The following PCBP3 variants were observed in gnomAD, a reference collection of about 807,000 sequenced individuals.
PCBP3 encodes the protein poly(rC) binding protein 3, also known as poly(rC)-binding protein 3.
A neutral mutation model predicts 52.7 loss-of-function variants in PCBP3; 25 were observed. The ratio of observed to expected loss-of-function variants is 0.47; its 90% CI spans 0.35 to 0.66. The LOEUF (loss-of-function observed/expected upper bound fraction) is 0.66, where lower values mean the gene tolerates loss of function less well. Ranked by LOEUF, PCBP3 falls within the 30% of genes least tolerant of loss-of-function variation. The pLI is 0.01. For synonymous variants in PCBP3, 162 were observed against 183.0 expected, an observed-to-expected ratio of 0.89 and a Z score of 0.93; for missense variants, 391 against 490.3, an observed-to-expected ratio of 0.80 and a Z score of 1.91.
At chr21:45,913,689 G>A (rs977232631) in intron 11 of PCBP3, among the ~76,000 whole-genome samples, 2 of 152,224 alleles carry the variant, frequency 1.3e-5, no homozygotes, top group Non-Finnish European at 2.9e-5. Context: ...ACTCTCAGGA[G>A]GCCGGTGTGT....
At chr21:45,826,023 G>T (rs1344222642) in intron 4 of PCBP3, among the ~76,000 whole-genome samples, 1 of 152,236 alleles carries the variant, frequency 6.6e-6, no homozygotes, top group South Asian at 2.1e-4. Flanking sequence ...TGTAATCCCA[G>T]CATTTTGGGA....
chr21:45,672,243 C>T (rs377473299), intron 2 of PCBP3, among the ~76,000 whole-genome samples: 1 of 152,158 alleles, frequency 6.6e-6, no homozygotes, highest in Admixed American at 6.5e-5. Context: ...CAAGAAGATC[C>T]TCACTAGATT....
chr21:45,848,233 A>G (rs1332108664), intron 4 of PCBP3: 3 of 152,192 alleles, frequency 2.0e-5, no homozygotes, highest in Non-Finnish European at 4.4e-5. Context: ...TGGGGTTTCG[A>G]TACTCTAGAG....
chr21:45,784,922 A>G (rs1479455740), intron 4 of PCBP3, among the ~76,000 whole-genome samples: 1 of 147,898 alleles, frequency 6.8e-6, no homozygotes, highest in Non-Finnish European at 1.5e-5. Context: ...CTGGCCGCCC[A>G]TCGTCTGGGA....
At position 45,655,886 on chromosome 21, in the gene PCBP3, G is replaced by GA. The variant is rs200921380; in HGVS notation, c.-279+12024dup. On this transcript the variant is annotated intron_variant, in intron 1 of 17. Coordinates refer to ENST00000681687, the MANE Select transcript of PCBP3 (RefSeq NM_001384156.1). Reference sequence around the variant, plus strand: ...ACATTTATGCAGCCAACAGACACATGAAAAAATGCTCATCATAACTGGTCA... The same window carrying GA: ...ACATTTATGCAGCCAACAGACACATGAAAAAAATGCTCATCATAACTGGTCA... Among the ~76,000 whole-genome samples, 881 of 152,186 alleles carry GA rather than the reference G, an allele frequency of 5.8e-3. 9 individuals are homozygous for GA. Among genetic ancestry groups the GA allele is most frequent in the African/African-American group, 0.02 (850 of 41,546 alleles).
At chr21:45,896,432 G>A (rs546677395) in intron 6 of PCBP3, 70 bp downstream of exon 6, 7 of 1,410,732 alleles carry the variant, frequency 5.0e-6, no homozygotes, top group African/African-American at 4.3e-5. Context: ...TGCACTGCCC[G>A]GGCCATTGGC....
chr21:45,693,193 A>G (rs916156006), intron 2 of PCBP3, among the ~76,000 whole-genome samples: 9 of 152,180 alleles, frequency 5.9e-5, no homozygotes, highest in African/African-American at 2.2e-4. Flanking sequence ...CAAAGGTGAA[A>G]TAGTGAACAC....
At chr21:45,878,129 C>A (rs2095311718) in intron 5 of PCBP3, among the ~76,000 whole-genome samples, 1 of 152,248 alleles carries the variant, frequency 6.6e-6, no homozygotes, top group Non-Finnish European at 1.5e-5. Flanking sequence ...CCCATCCTCA[C>A]CCCCAGGCGA....
At chr21:45,909,853 G>GC (rs1444099162) in intron 10 of PCBP3, among the ~76,000 whole-genome samples, 72 of 3,736 alleles carry the variant, frequency 0.019, 1 homozygote, top group East Asian at 0.077. Context: ...TACGGACCTG[G>GC]CCACCCACTG....
In PCBP3 at chr21:45,746,946, G is replaced by C. The variant is rs867988706; in HGVS notation, c.-161-8471G>C. ...CGCCGTGTCAGTCCATTGACGTAGC[G>C]CACACGGTGTTGTCAGCATCGCTGT... On this transcript the variant is annotated intron_variant, in intron 3 of 17. Coordinates refer to ENST00000681687, the MANE Select transcript of PCBP3 (RefSeq NM_001384156.1). Among the ~76,000 whole-genome samples the C allele has an allele frequency of 1.6e-4, 9 of 56,180 alleles. 2 individuals are homozygous for C. Among genetic ancestry groups the C allele is most frequent in the African/African-American group, 7.2e-4 (9 of 12,552 alleles). The allele number at this position is 56,180 out of a possible 152,430, so 36.9% of individuals were successfully genotyped here. A position where few individuals can be genotyped will look rare whatever the true frequency, so the allele number is the denominator to read the frequency against.
rs146929428 is a variant in PCBP3 at position 45,808,621 on chromosome 21, G to A, written c.-125-41340G>A. Among the ~76,000 whole-genome samples, 1,469 of 152,288 alleles carry A rather than the reference G, an allele frequency of 9.6e-3. 8 individuals are homozygous for A. Among genetic ancestry groups the A allele is most frequent in the Middle Eastern group, 0.02 (6 of 294 alleles). On this transcript the variant is annotated intron_variant, in intron 4 of 17. Transcript: ENST00000681687. ...GTAAATTAGTTCAACCATTGTGGAA[G>A]ACAGTATGGCGATTCCTCAAGGATC...
intron 4 of PCBP3, among the ~76,000 whole-genome samples, chr21:45,845,513 T>C (rs748088112): frequency 1.3e-5 from 2 of 151,228 alleles, no homozygotes; most frequent in Non-Finnish European, 2.9e-5. Flanking sequence ...CGTGTACACG[T>C]TTGTGAGTGT....
At chr21:45,647,062 T>TA (rs60171120) in intron 1 of PCBP3, among the ~76,000 whole-genome samples, 28 of 150,622 alleles carry the variant, frequency 1.9e-4, no homozygotes, top group Middle Eastern at 3.4e-3. Context: ...AGGTTAGCAG[T>TA]AAAAAAAAAA....
chr21:45,862,519 C>T (rs887004650), intron 5 of PCBP3, among the ~76,000 whole-genome samples: 2 of 152,152 alleles, frequency 1.3e-5, no homozygotes, highest in Admixed American at 1.3e-4. Context: ...CGTGGTCCTT[C>T]TGGGTAATGA....
chr21:45,793,207 G>C (rs1009780268), intron 4 of PCBP3, among the ~76,000 whole-genome samples: 7 of 152,208 alleles, frequency 4.6e-5, no homozygotes, highest in African/African-American at 1.7e-4. Flanking sequence ...CAAAGGCCTT[G>C]AAGAGTAGAC....
Position 45,934,239 on chromosome 21 carries a change from C to T in PCBP3, c.857-1014C>T, listed in dbSNP as rs190605356. Among the ~76,000 whole-genome samples the T allele has an allele frequency of 1.4e-4, 22 of 152,216 alleles. No individual in the cohort carries two copies. The East Asian group carries it at 3.9e-3, about 27-fold the overall frequency. On this transcript the variant is annotated intron_variant, in intron 15 of 17. Transcript: ENST00000681687. ...TGCAGAATCCGAGTTACAAGAACCA[C>T]GTGGGGCCTGCAAGGGGAAGAGCAG...
At chr21:45,693,150 C>T (rs1276120222) in intron 2 of PCBP3, among the ~76,000 whole-genome samples, 1 of 151,996 alleles carries the variant, frequency 6.6e-6, no homozygotes, top group African/African-American at 2.4e-5. Flanking sequence ...TGATAAAGGG[C>T]ATCTATAAAA....
In PCBP3 at chr21:45,909,495, A is replaced by G; in HGVS notation, c.471+9A>G. On this transcript the variant is annotated intron_variant, in intron 10 of 17. Coordinates refer to ENST00000681687, the MANE Select transcript of PCBP3 (RefSeq NM_001384156.1). ...TCAAGGAGATCAGGGAGGTAACAGG[A>G]CCTTCCCAGCCTGGGCCGCTGCGGA... 6.2e-7 allele frequency: 1 copy of G among 1,611,528 alleles called. No homozygotes were observed. Among genetic ancestry groups the G allele is most frequent in the Non-Finnish European group, 8.5e-7 (1 of 1,179,172 alleles).
chr21:45,925,206 T>C lies in PCBP3; in HGVS notation c.718-4711T>C, dbSNP rs145539340. Among the ~76,000 whole-genome samples, 563 of 150,038 alleles carry C rather than the reference T, an allele frequency of 3.8e-3. 8 individuals are homozygous for C. The highest frequency in any genetic ancestry group is 0.013 in the African/African-American group (538 of 40,314). On this transcript the variant is annotated intron_variant, in intron 13 of 17. Coordinates refer to ENST00000681687, the MANE Select transcript of PCBP3 (RefSeq NM_001384156.1). ...CAGCACACGTAAGGTCGGGTGTGCGTGAGGAGATGCGAACACCCGCAGGTC... is the reference window on the plus strand; with the variant it reads ...CAGCACACGTAAGGTCGGGTGTGCGCGAGGAGATGCGAACACCCGCAGGTC...
Sources: gnomAD v4.1 joint callset for allele counts (sites outside exome capture counted in the v4.1 genomes callset) on GRCh38, gnomAD v4.1.1 for gene constraint, MANE v1.5 for transcripts, NCBI Gene and HGNC (gene_info 2026-07-23, HGNC 2026-07-21) for gene names.